Variants in MROH1 observed in about 807,000 individuals in gnomAD.
The protein encoded by MROH1 is maestro heat-like repeat-containing protein family member 1.
MROH1 carries 117 observed loss-of-function variants against 116.5 expected under a neutral mutation model. That is an observed-to-expected ratio of 1.00 (90% CI 0.86 to 1.17). The LOEUF (loss-of-function observed/expected upper bound fraction) is 1.17. MROH1 is among the 50% of genes most tolerant of loss of function. The pLI is 0.00. For synonymous variants in MROH1, 921 were observed against 583.9 expected (o/e 1.58, Z -8.32); for missense variants, 1,873 against 1,338.5 (o/e 1.40, Z -6.23).
chr8:144,229,504 T>C (rs560849445), intron 14 of MROH1, among the ~76,000 whole-genome samples: 1 of 151,436 alleles, frequency 6.6e-6, no homozygotes, highest in South Asian at 2.1e-4. Flanking sequence ...CTCACCCTCC[T>C]GAGTAGCTGG....
chr8:144,256,740 T>C (rs1328699141), intron 35 of MROH1, among the ~76,000 whole-genome samples: 2 of 152,358 alleles, frequency 1.3e-5, no homozygotes, highest in East Asian at 3.9e-4. Context: ...GGGTGCCACA[T>C]TCTTAAATGT....
chr8:144,193,958 G>A (rs1375517746), intron 10 of MROH1, among the ~76,000 whole-genome samples: 1 of 152,084 alleles, frequency 6.6e-6, no homozygotes, highest in Non-Finnish European at 1.5e-5. Flanking sequence ...AGCTCACATC[G>A]CAAGGCCTAT....
chr8:144,184,241 T>C (rs1159700239), intron 7 of MROH1, among the ~76,000 whole-genome samples: 7 of 152,172 alleles, frequency 4.6e-5, no homozygotes, highest in African/African-American at 7.2e-5. Flanking sequence ...GTGACCAGTG[T>C]CCTACTGAAT....
Position 144,244,556 on chromosome 8 carries a change from T to C in MROH1, c.2766+17T>C, listed in dbSNP as rs1841559028. 1 of 742,074 alleles carries C rather than the reference T, an allele frequency of 1.3e-6. No homozygotes were observed. The highest frequency in any genetic ancestry group is 1.7e-5 in the African/African-American group (1 of 58,140). 46.0% of individuals were successfully genotyped at this position (742,074 alleles called of 1,614,324 possible). The stretch of plus-strand genomic sequence containing the variant: ...ATGATTGAGGTGTGCAGGGGGGAAC[T>C]GTCATGGGGATGGGGATGGGGGCAC... On this transcript the variant is annotated intron_variant, in intron 28 of 43. Coordinates refer to ENST00000326134, the MANE Select transcript of MROH1 (RefSeq NM_032450.3).
chr8:144,158,747 T>G (rs1449478798), intron 1 of MROH1, among the ~76,000 whole-genome samples: 1 of 151,952 alleles, frequency 6.6e-6, no homozygotes. Context: ...TACACTTTTT[T>G]TTTTTTAATT....
chr8:144,207,178 G>T (rs544257462), intron 12 of MROH1, among the ~76,000 whole-genome samples: 230 of 151,142 alleles, frequency 1.5e-3, no homozygotes, highest in Non-Finnish European at 2.6e-3. Flanking sequence ...CTTTTTTTTG[G>T]GGGGTGGGGG....
At chr8:144,158,889 C>T (rs1415879760) in intron 1 of MROH1, among the ~76,000 whole-genome samples, 2 of 152,190 alleles carry the variant, frequency 1.3e-5, no homozygotes, top group East Asian at 1.9e-4. Flanking sequence ...CAGGCGCACG[C>T]CACCACGCCC....
At chr8:144,193,884 C>T (rs1829227627) in intron 10 of MROH1, among the ~76,000 whole-genome samples, 1 of 151,910 alleles carries the variant, frequency 6.6e-6, no homozygotes, top group Non-Finnish European at 1.5e-5. Context: ...GTTGGGATTA[C>T]AGGCATGAGC....
intron 10 of MROH1, 49 bp downstream of exon 10, chr8:144,192,450 G>T: frequency 6.7e-7 from 1 of 1,491,024 alleles, no homozygotes. Flanking sequence ...ACACCCTTCC[G>T]TGGGAAGTTG....
chr8:144,250,031 T>C (rs1842595361), intron 32 of MROH1, among the ~76,000 whole-genome samples, 181 bp from the exon 33 acceptor site: 1 of 152,238 alleles, frequency 6.6e-6, no homozygotes, highest in Non-Finnish European at 1.5e-5. Flanking sequence ...CTCCAGTTCC[T>C]TGGCTTCTGG....
In MROH1 at chr8:144,200,533, A is replaced by T. The variant is rs1412348247; in HGVS notation, c.1133A>T (p.Asn378Ile). The T allele has an allele frequency of 1.3e-6, 2 of 1,550,170 alleles. No homozygotes were observed. The highest frequency in any genetic ancestry group is 2.7e-5 in the African/African-American group (2 of 73,116). Residue 378 changes from asparagine to isoleucine, a missense_variant, in exon 12 of 44, where the codon AAC (asparagine) becomes ATC (isoleucine). Transcript: ENST00000326134. ...CTGCAGGTGGTCAGACATGTCATCA[A>T]CTCAGCTGGTGAGTGCCTCCATGCT... ...GTLQVVRHVI[N>I]SAAAQMEDKK...
At chr8:144,153,267 G>T (rs1817291023) in intron 1 of MROH1, among the ~76,000 whole-genome samples, 1 of 151,844 alleles carries the variant, frequency 6.6e-6, no homozygotes, top group African/African-American at 2.4e-5. Flanking sequence ...CTCGATCTCG[G>T]CTCACTGCAA....
At chr8:144,185,879 C>T (rs1445620299) in intron 7 of MROH1, among the ~76,000 whole-genome samples, 32 of 23,632 alleles carry the variant, frequency 1.4e-3, no homozygotes, top group African/African-American at 5.5e-3. Context: ...GTGCAGGGAC[C>T]GTGGGGGGAT....
intron 31 of MROH1, 115 bp downstream of exon 31, chr8:144,247,794 G>A (rs1274170915): frequency 4.5e-5 from 31 of 695,764 alleles, no homozygotes; most frequent in Admixed American, 3.4e-4. Flanking sequence ...CCCATGGCCA[G>A]TGGGCATGAG....
chr8:144,259,067 A>T (rs1005721961), intron 36 of MROH1, among the ~76,000 whole-genome samples, 153 bp downstream of exon 36: 2 of 151,118 alleles, frequency 1.3e-5, no homozygotes, highest in African/African-American at 2.4e-5. Context: ...AGGGGTAGGG[A>T]GGCACCCCTG....
intron 10 of MROH1, 146 bp downstream of exon 10, chr8:144,192,547 G>T: frequency 1.4e-6 from 1 of 739,436 alleles, no homozygotes; most frequent in South Asian, 1.5e-5. Context: ...GGTCACTCGG[G>T]TGACTTCTTA....
At chr8:144,243,995 GTGTGTGCAT>G in intron 26 of MROH1, 53 bp downstream of exon 26, 1 of 763,984 alleles carries the variant, frequency 1.3e-6, no homozygotes, top group East Asian at 2.5e-5. Flanking sequence ...GTGCGTGCAT[GTGTGTGCAT>G]TGTGTGTGCA....
At chr8:144,201,267 GC>G (rs1481898009) in intron 12 of MROH1, 1 of 152,098 alleles carries the variant, frequency 6.6e-6, no homozygotes, top group Non-Finnish European at 1.5e-5. Flanking sequence ...CACCATGTCG[GC>G]CAGGATGGTC....
chr8:144,240,937 G>T, intron 20 of MROH1, 55 bp from the exon 21 acceptor site: 1 of 717,192 alleles, frequency 1.4e-6, no homozygotes, highest in African/African-American at 1.7e-5. Flanking sequence ...TGGCAGCGCT[G>T]GGTCTCCCTG....
Sources: gnomAD v4.1 joint callset for allele counts (sites outside exome capture counted in the v4.1 genomes callset) on GRCh38, gnomAD v4.1.1 for gene constraint, MANE v1.5 for transcripts, NCBI Gene and HGNC (gene_info 2026-07-23, HGNC 2026-07-21) for gene names.